Variants in PLXDC2 observed in about 807,000 individuals in gnomAD.
PLXDC2 encodes the protein plexin domain containing 2, also known as plexin domain-containing protein 2.
In PLXDC2, 40 loss-of-function variants were observed where a neutral mutation model predicts 68.9. The observed-to-expected ratio is 0.58, with a 90% CI of 0.45 to 0.76. The LOEUF is 0.76. Ranked by LOEUF, PLXDC2 falls within the 30% of genes least tolerant of loss-of-function variation. PLXDC2 has a pLI of 0.00. For missense variants in PLXDC2, 644 were observed against 661.9 expected, an observed-to-expected ratio of 0.97 and a Z score of 0.30; for synonymous variants, 243 against 234.2, an observed-to-expected ratio of 1.04 and a Z score of -0.34.
intron 1 of PLXDC2, among the ~76,000 whole-genome samples, chr10:19,879,715 G>C (rs910307534): frequency 2.6e-5 from 4 of 152,114 alleles, no homozygotes; most frequent in African/African-American, 4.8e-5. Flanking sequence ...TAGGACAAAT[G>C]AAACTGTGAA....
At chr10:19,896,211 G>T (rs1035659940) in intron 1 of PLXDC2, among the ~76,000 whole-genome samples, 20 of 152,314 alleles carry the variant, frequency 1.3e-4, no homozygotes, top group African/African-American at 4.6e-4. Context: ...ACCTAAGCTT[G>T]CAAACACAGC....
chr10:19,902,509 C>T (rs1217057116), intron 1 of PLXDC2, among the ~76,000 whole-genome samples: 1 of 152,108 alleles, frequency 6.6e-6, no homozygotes, highest in Admixed American at 6.5e-5. Context: ...AGCAGAGCTA[C>T]TGATTTGTAT....
At chr10:19,899,900 G>A (rs1364335690) in intron 1 of PLXDC2, among the ~76,000 whole-genome samples, 1 of 151,982 alleles carries the variant, frequency 6.6e-6, no homozygotes, top group Non-Finnish European at 1.5e-5. Flanking sequence ...GATATTTCTT[G>A]GGTCAAGAGC....
intron 1 of PLXDC2, among the ~76,000 whole-genome samples, chr10:19,936,253 C>G (rs1296549518): frequency 6.6e-6 from 1 of 152,172 alleles, no homozygotes; most frequent in Non-Finnish European, 1.5e-5. Flanking sequence ...CTCATCTCAC[C>G]TCTCTCAGGG....
intron 2 of PLXDC2, among the ~76,000 whole-genome samples, chr10:20,022,160 A>G (rs1835322527): frequency 1.3e-5 from 2 of 152,194 alleles, no homozygotes; most frequent in Admixed American, 1.3e-4. Flanking sequence ...CTAGAAATTC[A>G]GAGTGCACTT....
chr10:19,849,018 A>C (rs1010845122), intron 1 of PLXDC2, among the ~76,000 whole-genome samples: 1 of 152,178 alleles, frequency 6.6e-6, no homozygotes, highest in African/African-American at 2.4e-5. Context: ...TTTGTGTCAC[A>C]TATATTTAGG....
intron 1 of PLXDC2, among the ~76,000 whole-genome samples, chr10:19,843,248 A>G (rs1237128988): frequency 6.7e-6 from 1 of 149,046 alleles, no homozygotes; most frequent in African/African-American, 2.4e-5. Flanking sequence ...ATTTTAAAAG[A>G]TAAATGCAAT....
chr10:20,252,172 G>A (rs1431305099), intron 13 of PLXDC2, among the ~76,000 whole-genome samples: 1 of 152,170 alleles, frequency 6.6e-6, no homozygotes, highest in Non-Finnish European at 1.5e-5. Context: ...CTACCTTAAG[G>A]ATTGGAGAAA....
At chr10:20,021,191 G>C in intron 2 of PLXDC2, among the ~76,000 whole-genome samples, 1 of 144,610 alleles carries the variant, frequency 6.9e-6, no homozygotes, top group East Asian at 2.3e-4. Flanking sequence ...ACTTTATCCT[G>C]TTTTTTTTGT....
At chr10:19,867,066 T>C (rs576601312) in intron 1 of PLXDC2, among the ~76,000 whole-genome samples, 10 of 111,322 alleles carry the variant, frequency 9.0e-5, no homozygotes, top group Non-Finnish European at 1.5e-4. Context: ...CTTTCCCTCT[T>C]TTTTTTTTTT....
At chr10:20,123,099 T>G in intron 4 of PLXDC2, among the ~76,000 whole-genome samples, 1 of 152,108 alleles carries the variant, frequency 6.6e-6, no homozygotes, top group Non-Finnish European at 1.5e-5. Flanking sequence ...GGGCTAGTCA[T>G]GGAACAAAAC....
intron 4 of PLXDC2, among the ~76,000 whole-genome samples, chr10:20,072,122 G>T (rs1308374272): frequency 6.6e-6 from 1 of 151,964 alleles, no homozygotes; most frequent in Non-Finnish European, 1.5e-5. Context: ...CGAGGTGGGC[G>T]GATCACCTGA....
rs1272475738 is a variant in PLXDC2, at chr10:19,939,889, A to G, written c.113-61886A>G. 2.0e-5 allele frequency among the ~76,000 whole-genome samples: 3 copies of G among 150,008 alleles called. 1 individual carries two copies. Among genetic ancestry groups the G allele is most frequent in the Admixed American group, 6.6e-5 (1 of 15,198 alleles). On this transcript the variant is annotated intron_variant, in intron 1 of 13. Coordinates refer to ENST00000377252, the MANE Select transcript of PLXDC2 (RefSeq NM_032812.9). ...GAATTATGAGCAGAAGAGAATTCTA[A>G]TTTTCCACCTATATAGCTTATAAAA...
At chr10:20,162,127 GGAAAGAAA>G (rs1175432124) in intron 6 of PLXDC2, among the ~76,000 whole-genome samples, 6 of 136,536 alleles carry the variant, frequency 4.4e-5, no homozygotes, top group African/African-American at 1.4e-4. Flanking sequence ...AAGGAAGGAA[GGAAAGAAA>G]GAAGGAAAGA....
chr10:20,090,037 G>A (rs1463038582), intron 4 of PLXDC2, among the ~76,000 whole-genome samples: 1 of 152,060 alleles, frequency 6.6e-6, no homozygotes, highest in Non-Finnish European at 1.5e-5. Flanking sequence ...CAGTGGCACC[G>A]CAGAGTGTCA....
chr10:20,266,090 T>A (rs559325399), intron 13 of PLXDC2, among the ~76,000 whole-genome samples: 25 of 152,282 alleles, frequency 1.6e-4, no homozygotes, highest in Non-Finnish European at 3.2e-4. Context: ...ATTATTCACA[T>A]AGAAAATAGT....
chr10:20,161,362 C>T lies in PLXDC2; in HGVS notation c.784-3106C>T, dbSNP rs1277732788. Among the ~76,000 whole-genome samples, 17 of 151,046 alleles carry T rather than the reference C, an allele frequency of 1.1e-4. No homozygotes were observed. The East Asian group carries it at 3.3e-3, about 29-fold the overall frequency. ...AAAAATCCTTCATGTGTCTTGTATA[C>T]ATCTGCAGAAGACCAGTAGTGTACA... On this transcript the variant is annotated intron_variant, in intron 6 of 13. Transcript: ENST00000377252.
At chr10:19,959,039 G>A (rs535274773) in intron 1 of PLXDC2, among the ~76,000 whole-genome samples, 1 of 152,152 alleles carries the variant, frequency 6.6e-6, no homozygotes, top group East Asian at 1.9e-4. Flanking sequence ...CAACATAGTT[G>A]TTACTCTTCT....
intron 4 of PLXDC2, among the ~76,000 whole-genome samples, chr10:20,122,655 G>T (rs1475286822): frequency 6.6e-6 from 1 of 152,236 alleles, no homozygotes; most frequent in African/African-American, 2.4e-5. Flanking sequence ...CTGGAGAAAT[G>T]TCTGGCCGCT....
Sources: gnomAD v4.1 joint callset for allele counts (sites outside exome capture counted in the v4.1 genomes callset) on GRCh38, gnomAD v4.1.1 for gene constraint, MANE v1.5 for transcripts, NCBI Gene and HGNC (gene_info 2026-07-23, HGNC 2026-07-21) for gene names.